Variants in PELI2 observed in about 807,000 individuals in gnomAD.
The protein encoded by PELI2 is E3 ubiquitin-protein ligase pellino homolog 2.
PELI2 carries 23 observed loss-of-function variants against 42.3 expected under a neutral mutation model. That is an observed-to-expected ratio of 0.54 (90% CI 0.39 to 0.77). The LOEUF is 0.77. Among genes scored for constraint, PELI2 ranks in the 30% least tolerant of loss-of-function variants. The probability of loss-of-function intolerance (pLI) is 0.00; values close to 1 mark genes in which losing one functional copy is unlikely to be tolerated. For missense variants in PELI2, 463 were observed against 553.2 expected (o/e 0.84, Z 1.64); for synonymous variants, 245 against 212.2 (o/e 1.15, Z -1.34).
At chr14:56,201,659 T>C (rs1422136102) in intron 2 of PELI2, among the ~76,000 whole-genome samples, 1 of 152,226 alleles carries the variant, frequency 6.6e-6, no homozygotes, top group Non-Finnish European at 1.5e-5. Context: ...TTGCAAAATA[T>C]GGTGAACTGC....
intron 3 of PELI2, among the ~76,000 whole-genome samples, chr14:56,281,389 C>G (rs902877147): frequency 2.0e-5 from 3 of 152,018 alleles, no homozygotes; most frequent in African/African-American, 7.2e-5. Flanking sequence ...GGCATATGTC[C>G]ACTTCATGCT....
At chr14:56,234,754 TAA>T (rs768907023) in intron 2 of PELI2, among the ~76,000 whole-genome samples, 3,392 of 152,220 alleles carry the variant, frequency 0.022, 49 homozygotes, top group Middle Eastern at 0.051. Context: ...GTATTTTTTT[TAA>T]AAAATGTAAA....
In PELI2 at chr14:56,292,339, A is replaced by G. The variant is rs549564764; in HGVS notation, c.696+1883A>G. Among the ~76,000 whole-genome samples, 162 of 152,284 alleles carry G rather than the reference A, an allele frequency of 1.1e-3. 1 individual carries two copies. Among genetic ancestry groups the G allele is most frequent in the African/African-American group, 3.8e-3 (156 of 41,574 alleles). Reference sequence around the variant, plus strand: ...ACTGAACGGATACATTCTTCCTGCAATCTCCTCTTGTTAACCTCTGGAGAA... The same window carrying G: ...ACTGAACGGATACATTCTTCCTGCAGTCTCCTCTTGTTAACCTCTGGAGAA... On this transcript the variant is annotated intron_variant, in intron 5 of 5. Coordinates refer to ENST00000267460, the MANE Select transcript of PELI2 (RefSeq NM_021255.3).
intron 2 of PELI2, among the ~76,000 whole-genome samples, chr14:56,262,872 A>C (rs374746729): frequency 1.1e-4 from 17 of 152,314 alleles, no homozygotes; most frequent in African/African-American, 4.1e-4. Flanking sequence ...TTAATATAGA[A>C]TATGCTCAAG....
intron 2 of PELI2, among the ~76,000 whole-genome samples, chr14:56,201,330 C>A (rs960530897): frequency 4.6e-5 from 7 of 152,130 alleles, no homozygotes; most frequent in Non-Finnish European, 1.0e-4. Context: ...CAGATTTTTT[C>A]ACTTAAGTAG....
chr14:56,279,963 A>G (rs1889420657), intron 3 of PELI2, among the ~76,000 whole-genome samples, 186 bp downstream of exon 3: 1 of 152,196 alleles, frequency 6.6e-6, no homozygotes, highest in African/African-American at 2.4e-5. Flanking sequence ...GTAAAGGGAA[A>G]TTATAAAGGC....
At chr14:56,205,278 A>G (rs763782897) in intron 2 of PELI2, among the ~76,000 whole-genome samples, 5 of 152,166 alleles carry the variant, frequency 3.3e-5, no homozygotes, top group Non-Finnish European at 5.9e-5. Context: ...CCAGGAATGC[A>G]TGCAATTTGG....
intron 1 of PELI2, chr14:56,119,853 G>T (rs1882998842): frequency 2.9e-5 from 29 of 985,140 alleles, no homozygotes; most frequent in Non-Finnish European, 3.5e-5. Context: ...AACATCCTCG[G>T]CGCTGATAGG....
chr14:56,144,864 G>T (rs1303062566), intron 1 of PELI2: 2 of 529,618 alleles, frequency 3.8e-6, no homozygotes, highest in African/African-American at 4.1e-5. Context: ...ATGGGGCCTT[G>T]TACAGGAATA....
intron 2 of PELI2, among the ~76,000 whole-genome samples, chr14:56,190,653 CATT>C (rs1331964250): frequency 6.6e-6 from 1 of 152,086 alleles, no homozygotes; most frequent in African/African-American, 2.4e-5. Flanking sequence ...TTTCATGTAT[CATT>C]ATATTTGTGA....
In PELI2 at chr14:56,299,759, C is replaced by G. The variant is rs1216719095; in HGVS notation, c.*2593C>G. Reference sequence around the variant, plus strand: ...CTTTAAAGGACTAGCCCCACTCCCCCATGTGTATACACAAGGAAATTGCAG... The same window carrying G: ...CTTTAAAGGACTAGCCCCACTCCCCGATGTGTATACACAAGGAAATTGCAG... On this transcript the variant is annotated 3_prime_UTR_variant, in exon 6 of 6. Coordinates refer to ENST00000267460, the MANE Select transcript of PELI2 (RefSeq NM_021255.3). 1 of 152,202 alleles carries G rather than the reference C, an allele frequency of 6.6e-6. No homozygotes were observed. Among genetic ancestry groups the G allele is most frequent in the African/African-American group, 2.4e-5 (1 of 41,432 alleles). 9.4% of individuals were successfully genotyped at this position (152,202 alleles called of 1,614,324 possible).
At chr14:56,157,379 T>C (rs866105604) in intron 1 of PELI2, among the ~76,000 whole-genome samples, 15 of 152,344 alleles carry the variant, frequency 9.8e-5, no homozygotes, top group Middle Eastern at 3.4e-3. Flanking sequence ...CTATTAGTTA[T>C]ATGTAGATAT....
chr14:56,283,032 C>A (rs570623790), intron 3 of PELI2, among the ~76,000 whole-genome samples: 1 of 152,160 alleles, frequency 6.6e-6, no homozygotes, highest in Non-Finnish European at 1.5e-5. Flanking sequence ...ATAGGTAAGT[C>A]AGGTACTCTC....
At chr14:56,125,423 G>C (rs562401808) in intron 1 of PELI2, among the ~76,000 whole-genome samples, 9 of 151,438 alleles carry the variant, frequency 5.9e-5, no homozygotes, top group East Asian at 2.0e-4. Context: ...GGCAGGGGGG[G>C]GGTGAATTGG....
intron 2 of PELI2, among the ~76,000 whole-genome samples, chr14:56,196,867 T>TA (rs1157279433): frequency 1.3e-5 from 2 of 152,246 alleles, no homozygotes; most frequent in Non-Finnish European, 2.9e-5. Flanking sequence ...GTTCATGGTG[T>TA]CTCATCTCAT....
At chr14:56,163,412 A>G (rs192387995) in intron 1 of PELI2, among the ~76,000 whole-genome samples, 409 of 152,162 alleles carry the variant, frequency 2.7e-3, no homozygotes, top group African/African-American at 8.9e-3. Flanking sequence ...AGGGTTCTCT[A>G]TTCTGTTCCA....
intron 1 of PELI2, among the ~76,000 whole-genome samples, chr14:56,138,519 T>C (rs1168279418): frequency 2.0e-5 from 3 of 152,308 alleles, no homozygotes; most frequent in African/African-American, 7.2e-5. Context: ...AGTATCTACC[T>C]TTATTAGACT....
intron 1 of PELI2, chr14:56,119,627 C>T (rs1261275368): frequency 3.9e-6 from 1 of 255,758 alleles, no homozygotes; most frequent in Non-Finnish European, 6.1e-6. Context: ...TGTGACATTT[C>T]TATTGTTTAC....
intron 2 of PELI2, among the ~76,000 whole-genome samples, chr14:56,227,563 G>C (rs1391219447): frequency 6.6e-6 from 1 of 152,234 alleles, no homozygotes; most frequent in African/African-American, 2.4e-5. Flanking sequence ...TGCAGACATA[G>C]AAATAAGTAT....
Sources: allele counts gnomAD v4.1 joint callset (sites outside exome capture counted in the v4.1 genomes callset), GRCh38; gene constraint gnomAD v4.1.1; transcripts MANE v1.5; gene names NCBI Gene and HGNC (gene_info 2026-07-23, HGNC 2026-07-21).